RPS5: variants seen among roughly 807,000 people sequenced by gnomAD.
RPS5 encodes the protein small ribosomal subunit protein uS7.
A neutral mutation model predicts 20.9 loss-of-function variants in RPS5; 2 were observed. The ratio of observed to expected loss-of-function variants is 0.10; its 90% CI spans 0.04 to 0.30. RPS5 has a LOEUF of 0.30. Among genes scored for constraint, RPS5 ranks in the 10% least tolerant of loss-of-function variants. The probability of loss-of-function intolerance (pLI) is 1.00; values close to 1 mark genes in which losing one functional copy is unlikely to be tolerated. For missense variants in RPS5, 122 were observed against 287.2 expected, an observed-to-expected ratio of 0.42 and a Z score of 4.16; for synonymous variants, 112 against 105.8, an observed-to-expected ratio of 1.06 and a Z score of -0.36.
At chr19:58,391,443 A>C (rs901302626) in intron 2 of RPS5, among the ~76,000 whole-genome samples, 2 of 150,488 alleles carry the variant, frequency 1.3e-5, no homozygotes, top group Non-Finnish European at 3.0e-5. Flanking sequence ...AAAAAAAAAA[A>C]AAAAAAAAAC....
At chr19:58,393,899 A>G (rs2052380203) in intron 4 of RPS5, 1 of 186,346 alleles carries the variant, frequency 5.4e-6, no homozygotes, top group South Asian at 1.5e-4. Context: ...TCCATTTAGC[A>G]TCTGTCCCCA....
intron 1 of RPS5, 74 bp downstream of exon 1, chr19:58,387,413 C>G (rs1281145504): frequency 2.6e-5 from 4 of 152,264 alleles, no homozygotes; most frequent in African/African-American, 7.2e-5. Flanking sequence ...GCGGCCTGGG[C>G]CTTTTCTCAT....
intron 2 of RPS5, among the ~76,000 whole-genome samples, chr19:58,389,748 C>T (rs1416792409): frequency 6.6e-5 from 10 of 151,290 alleles, no homozygotes; most frequent in African/African-American, 2.0e-4. Flanking sequence ...GCAATGCTCC[C>T]GCCTCAGCCT....
At chr19:58,394,225 C>A in intron 4 of RPS5, 1 of 439,020 alleles carries the variant, frequency 2.3e-6, no homozygotes, top group African/African-American at 2.0e-5. Flanking sequence ...GTTACAGGCG[C>A]AAGCCACCGT....
intron 2 of RPS5, chr19:58,388,661 G>GA (rs2052343659): frequency 6.2e-6 from 1 of 162,074 alleles, no homozygotes; most frequent in African/African-American, 7.8e-5. Flanking sequence ...TTTTTTTTTT[G>GA]AGACGGAGTC....
chr19:58,389,642 A>T (rs903955961), intron 2 of RPS5, among the ~76,000 whole-genome samples: 1 of 151,856 alleles, frequency 6.6e-6, no homozygotes, highest in African/African-American at 2.4e-5. Context: ...TTATTTATTT[A>T]TTTATTTTTT....
intron 2 of RPS5, 80 bp from the exon 3 acceptor site, chr19:58,392,896 G>T: frequency 7.4e-7 from 1 of 1,356,578 alleles, no homozygotes; most frequent in South Asian, 1.3e-5. Flanking sequence ...ATGGGTACTT[G>T]ATCTCTCCTC....
chr19:58,389,284 A>G (rs1340778941), intron 2 of RPS5, among the ~76,000 whole-genome samples: 2 of 151,938 alleles, frequency 1.3e-5, no homozygotes, highest in African/African-American at 4.8e-5. Flanking sequence ...TTAAAGTTTT[A>G]TCTTTGAGAT....
intron 2 of RPS5, among the ~76,000 whole-genome samples, chr19:58,392,323 A>AAG (rs1568574232): frequency 1.3e-5 from 2 of 149,886 alleles, no homozygotes; most frequent in African/African-American, 4.9e-5. Flanking sequence ...CTCAGCCTCA[A>AAG]GGGGGGGAAA....
chr19:58,392,334 A>AGGG (rs1183895419), intron 2 of RPS5, among the ~76,000 whole-genome samples: 15 of 151,144 alleles, frequency 9.9e-5, no homozygotes, highest in Admixed American at 9.9e-4. Flanking sequence ...GGGGGGGAAA[A>AGGG]AAAAAACTAG....
intron 4 of RPS5, 183 bp downstream of exon 4, chr19:58,393,670 G>A: frequency 1.5e-6 from 1 of 674,068 alleles, no homozygotes; most frequent in Non-Finnish European, 2.4e-6. Context: ...TCCTCTTCGG[G>A]AACACATTTG....
At chr19:58,393,592 C>G in intron 4 of RPS5, 105 bp downstream of exon 4, 1 of 1,408,534 alleles carries the variant, frequency 7.1e-7, no homozygotes, top group Non-Finnish European at 9.5e-7. Flanking sequence ...GTTTTACCTG[C>G]AGCATCACTT....
rs2052375176 is a variant in RPS5, at chr19:58,393,199, G to A, written c.318+14G>A. On this transcript the variant is annotated intron_variant, in intron 3 of 5. Coordinates refer to ENST00000196551, the MANE Select transcript of RPS5 (RefSeq NM_001009.4). ...CTCACAGGCGAGGTAGGGCTCTGTGGCCTGGTGAGGGCAGGCTGTGCCCTC... is the reference window on the plus strand; with the variant it reads ...CTCACAGGCGAGGTAGGGCTCTGTGACCTGGTGAGGGCAGGCTGTGCCCTC... 1 of 1,614,134 alleles carries A rather than the reference G, an allele frequency of 6.2e-7. No individual in the cohort carries two copies. The highest frequency in any genetic ancestry group is 8.5e-7 in the Non-Finnish European group (1 of 1,179,970).
chr19:58,394,293 C>T lies in RPS5; in HGVS notation c.448-204C>T, dbSNP rs912162877. On this transcript the variant is annotated intron_variant, in intron 4 of 5. Coordinates refer to ENST00000196551, the MANE Select transcript of RPS5 (RefSeq NM_001009.4). ...GGTCTCAATCTCCTGTCACTGGGGA[C>T]GCAACTTCAGCCTGTGTGTGTGTGT... 4.0e-5 allele frequency: 23 copies of T among 571,796 alleles called. 1 individual carries two copies. Among genetic ancestry groups the T allele is most frequent in the Middle Eastern group, 4.7e-4 (1 of 2,148 alleles). 35.4% of individuals were successfully genotyped at this position (571,796 alleles called of 1,614,324 possible).
intron 4 of RPS5, chr19:58,394,239 CG>C: frequency 2.1e-6 from 1 of 479,622 alleles, no homozygotes. Context: ...CCACCGTGCC[CG>C]GCCGTCTAGC....
chr19:58,390,155 C>G lies in RPS5; in HGVS notation c.108+1910C>G, dbSNP rs573259165. Among the ~76,000 whole-genome samples the G allele has an allele frequency of 7.9e-5, 12 of 152,252 alleles. No homozygotes were observed. The South Asian group carries it at 2.1e-3, about 26-fold the overall frequency. On this transcript the variant is annotated intron_variant, in intron 2 of 5. Coordinates refer to ENST00000196551, the MANE Select transcript of RPS5 (RefSeq NM_001009.4). ...AGGTGATCAGCCTGCCTCAGCCTCC[C>G]AAAGTGCTGGGATTACAGGCATGAG...
chr19:58,387,993 A>G, intron 1 of RPS5, 144 bp from the exon 2 acceptor site: 1 of 614,140 alleles, frequency 1.6e-6, no homozygotes, highest in South Asian at 1.9e-5. Context: ...AGTGCTTGAA[A>G]ACACGTTCAC....
chr19:58,391,944 A>C lies in RPS5; in HGVS notation c.109-1032A>C, dbSNP rs553889699. 5.3e-5 allele frequency among the ~76,000 whole-genome samples: 8 copies of C among 152,082 alleles called. No homozygotes were observed. In the East Asian group the frequency reaches 1.2e-3, roughly 22 times the overall value. Reference sequence around the variant, plus strand: ...ATCTCAAAAAACAAAAAACCAAAAAACTGTGGTTCCTACTCTGGGGTGGTT... The same window carrying C: ...ATCTCAAAAAACAAAAAACCAAAAACCTGTGGTTCCTACTCTGGGGTGGTT... On this transcript the variant is annotated intron_variant, in intron 2 of 5. Coordinates refer to ENST00000196551, the MANE Select transcript of RPS5 (RefSeq NM_001009.4).
chr19:58,394,640 G>A, intron 5 of RPS5, 42 bp from the exon 6 acceptor site: 1 of 1,613,888 alleles, frequency 6.2e-7, no homozygotes, highest in Non-Finnish European at 8.5e-7. Context: ...TTGGGCATTT[G>A]TGGGGGTCCT....
Sources: allele counts gnomAD v4.1 joint callset (sites outside exome capture counted in the v4.1 genomes callset), GRCh38; gene constraint gnomAD v4.1.1; transcripts MANE v1.5; gene names NCBI Gene and HGNC (gene_info 2026-07-23, HGNC 2026-07-21).